CXXC4: variants seen among roughly 807,000 people sequenced by gnomAD.
CXXC4 encodes the protein CXXC finger protein 4, also known as CXXC-type zinc finger protein 4.
A neutral mutation model predicts 20.5 loss-of-function variants in CXXC4; 5 were observed. That is an observed-to-expected ratio of 0.24 (90% CI 0.13 to 0.51). The LOEUF is 0.51. CXXC4 is among the 20% of genes least tolerant of loss of function. The pLI is 0.97. For missense variants in CXXC4, 419 were observed against 496.4 expected (o/e 0.84, Z 1.48); for synonymous variants, 250 against 216.4 (o/e 1.16, Z -1.36).
chr4:104,481,361 C>T lies in CXXC4; in HGVS notation c.1060-8995G>A, dbSNP rs139849599. ...CCTGGCCAACATGGTGAAACCCCAT[C>T]TCTACTAAAGAAAATACAAAAATTA... On this transcript the variant is annotated intron_variant, in intron 2 of 2. Transcript: ENST00000394767. Among the ~76,000 whole-genome samples, 11 of 152,182 alleles carry T rather than the reference C, an allele frequency of 7.2e-5. 1 individual carries two copies. The highest frequency in any genetic ancestry group is 2.4e-4 in the African/African-American group (10 of 41,524).
At chr4:104,472,471 C>T (rs1398016206) in intron 2 of CXXC4, 105 bp from the exon 3 acceptor site, 2 of 683,026 alleles carry the variant, frequency 2.9e-6, no homozygotes, top group South Asian at 2.1e-5. Context: ...TACCAATGTA[C>T]AACATAATGA....
chr4:104,486,659 TA>T (rs1332981802), intron 2 of CXXC4, among the ~76,000 whole-genome samples: 2 of 152,240 alleles, frequency 1.3e-5, no homozygotes, highest in East Asian at 3.9e-4. Context: ...AATTATGACA[TA>T]AAAAAACTGG....
chr4:104,489,337 A>G (rs1172342980), intron 2 of CXXC4, among the ~76,000 whole-genome samples: 2 of 152,256 alleles, frequency 1.3e-5, no homozygotes, highest in African/African-American at 4.8e-5. Context: ...TTACACAATT[A>G]AAGGTTAAAA....
chr4:104,488,926 C>T (rs1474261470), intron 2 of CXXC4, among the ~76,000 whole-genome samples: 1 of 152,064 alleles, frequency 6.6e-6, no homozygotes. Context: ...AACAGCAGAA[C>T]CAAATTTATA....
chr4:104,491,219 G>C lies in CXXC4; in HGVS notation c.584C>G (p.Thr195Ser), dbSNP rs771690954. The C allele has an allele frequency of 2.5e-6, 4 of 1,613,544 alleles. No homozygotes were observed. The highest frequency in any genetic ancestry group is 1.1e-5 in the South Asian group (1 of 91,076). The change falls in exon 2 of 3, where the codon ACT becomes AGT. Residue 195 changes from threonine to serine, a missense_variant. By Grantham distance (58) the Thr-to-Ser change is moderately conservative (BLOSUM62 1). Transcript: ENST00000394767. ...AGGGGATAAGGTGGAGAGGAAATTA[G>C]TATTTGCCATTTGCAACGACGGCTC... ...PPEPSLQMANTNFLSTLSPEH... is the reference protein window; with the variant it reads ...PPEPSLQMANSNFLSTLSPEH...
In CXXC4 at chr4:104,491,331, C is replaced by T; in HGVS notation, c.472G>A (p.Gly158Ser). 3 of 1,553,448 alleles carry T rather than the reference C, an allele frequency of 1.9e-6. No homozygotes were observed. Among genetic ancestry groups the T allele is most frequent in the East Asian group, 2.5e-5 (1 of 40,420 alleles). The part of the protein sequence containing the change: ...SSSAILPAGG[G>S]GGGGGGGSRT... The stretch of plus-strand genomic sequence containing the variant: ...CTGCCGCCGCCGCCGCCGCCGCCGC[C>T]ACCGCCGGCGGGGAGGATCGCCGAG... Residue 158 changes from glycine to serine, a missense_variant, in exon 2 of 3, where the codon GGC (glycine) becomes AGC (serine). By Grantham distance (56) the Gly-to-Ser change is moderately conservative. Coordinates refer to ENST00000394767, the MANE Select transcript of CXXC4 (RefSeq NM_025212.4).
chr4:104,492,931 A>C (rs1283968059), intron 1 of CXXC4, among the ~76,000 whole-genome samples: 3 of 152,118 alleles, frequency 2.0e-5, no homozygotes, highest in Non-Finnish European at 4.4e-5. Context: ...TGCAGCCTCT[A>C]TAAGAATATT....
chr4:104,470,840 A>G lies in CXXC4; in HGVS notation c.*1482T>C, dbSNP rs1736253575. The G allele has an allele frequency of 6.6e-6, 1 of 152,062 alleles. No homozygotes were observed. The highest frequency in any genetic ancestry group is 6.6e-5 in the Admixed American group (1 of 15,216). 9.4% of individuals were successfully genotyped at this position (152,062 alleles called of 1,614,324 possible). ...ATTGGGACAAACAGAAATAAAATGGAAGGTAAATATTTGTCCTGATGGGAC... is the reference window on the plus strand; with the variant it reads ...ATTGGGACAAACAGAAATAAAATGGGAGGTAAATATTTGTCCTGATGGGAC... On this transcript the variant is annotated 3_prime_UTR_variant, in exon 3 of 3. Transcript: ENST00000394767.
In CXXC4 at chr4:104,491,734, G is replaced by T; in HGVS notation, c.69C>A (p.His23Gln). Residue 23 changes from histidine (H) to glutamine (Q), a missense_variant, in exon 2 of 3, where the codon CAC (histidine) becomes CAA (glutamine). This residue lies in a region of CXXC4 where 388 missense variants were observed against 416.0 expected (regional missense o/e 0.93). Coordinates refer to ENST00000394767, the MANE Select transcript of CXXC4 (RefSeq NM_025212.4). Reference protein sequence around the residue: ...PEAPGLPKESHLPEGALNSLV... With the variant: ...PEAPGLPKESQLPEGALNSLV... Reference sequence around the variant, plus strand: ...GGCTGTTCAGAGCCCCCTCGGGCAAGTGGCTTTCCTTGGGCAAGCCCGGGG... The same window carrying T: ...GGCTGTTCAGAGCCCCCTCGGGCAATTGGCTTTCCTTGGGCAAGCCCGGGG... The T allele has an allele frequency of 6.5e-7, 1 of 1,543,476 alleles. No homozygotes were observed. Among genetic ancestry groups the T allele is most frequent in the Non-Finnish European group, 8.7e-7 (1 of 1,143,760 alleles).
At chr4:104,479,500 G>A (rs1736500726) in intron 2 of CXXC4, among the ~76,000 whole-genome samples, 1 of 152,058 alleles carries the variant, frequency 6.6e-6, no homozygotes, top group Non-Finnish European at 1.5e-5. Flanking sequence ...CATTTTGGAT[G>A]TAGTCACTGA....
chr4:104,476,087 A>C (rs1437593734), intron 2 of CXXC4, among the ~76,000 whole-genome samples: 2 of 152,108 alleles, frequency 1.3e-5, no homozygotes. Flanking sequence ...CCTAAATTAC[A>C]TTAAAACTAA....
At chr4:104,472,500 T>A in intron 2 of CXXC4, 134 bp from the exon 3 acceptor site, 2 of 521,374 alleles carry the variant, frequency 3.8e-6, no homozygotes, top group African/African-American at 2.0e-5. Flanking sequence ...TTTCAACATT[T>A]AATAAAAAGA....
chr4:104,492,804 T>C (rs561490981), intron 1 of CXXC4, among the ~76,000 whole-genome samples: 1 of 151,920 alleles, frequency 6.6e-6, no homozygotes, highest in Admixed American at 6.6e-5. Context: ...TTGGTGGGGG[T>C]AAGAGGGTGG....
intron 2 of CXXC4, among the ~76,000 whole-genome samples, chr4:104,485,953 T>A (rs1052883748): frequency 2.0e-5 from 3 of 152,118 alleles, no homozygotes; most frequent in African/African-American, 7.2e-5. Flanking sequence ...GCCACACGAC[T>A]TTTATTTCTT....
chr4:104,493,854 T>C (rs1007093895), intron 1 of CXXC4, among the ~76,000 whole-genome samples: 1 of 152,228 alleles, frequency 6.6e-6, no homozygotes, highest in African/African-American at 2.4e-5. Context: ...TAACTGCTAC[T>C]CAGTAAAAAC....
In CXXC4 at chr4:104,468,753, T is replaced by C. The variant is rs916019018; in HGVS notation, c.*3569A>G. 4.6e-5 allele frequency: 7 copies of C among 152,008 alleles called. No individual in the cohort carries two copies. The highest frequency in any genetic ancestry group is 1.7e-4 in the African/African-American group (7 of 41,424). 9.4% of individuals were successfully genotyped at this position (152,008 alleles called of 1,614,324 possible). On this transcript the variant is annotated 3_prime_UTR_variant, in exon 3 of 3. Transcript: ENST00000394767. ...TGTTACATGAGAACCAACTGTTTGA[T>C]ATCACTGTGAATCTAACCATGATCA...
rs1287908058 is a variant in CXXC4 at position 104,490,961 on chromosome 4, G to T, written c.842C>A (p.Pro281Gln). The part of the protein sequence containing the change: ...AFQIANLADC[P>Q]QNHSSSSSSS... Reference sequence around the variant, plus strand: ...CGAGGAGGAGGAGGAATGATTCTGCGGGCAGTCTGCCAGATTGGCAATTTG... The same window carrying T: ...CGAGGAGGAGGAGGAATGATTCTGCTGGCAGTCTGCCAGATTGGCAATTTG... Residue 281 changes from proline to glutamine, a missense_variant, in exon 2 of 3, where the codon CCG (proline) becomes CAG (glutamine). This residue lies in a region of CXXC4 where 388 missense variants were observed against 416.0 expected (regional missense o/e 0.93). Transcript: ENST00000394767. 1.9e-6 allele frequency: 3 copies of T among 1,613,940 alleles called. No homozygotes were observed. Among genetic ancestry groups the T allele is most frequent in the Admixed American group, 3.3e-5 (2 of 59,994 alleles).
chr4:104,480,864 C>CCCTCCCTT (rs945580145), intron 2 of CXXC4, among the ~76,000 whole-genome samples: 1 of 147,002 alleles, frequency 6.8e-6, no homozygotes, highest in African/African-American at 2.5e-5. Flanking sequence ...CTCCCTCCCT[C>CCCTCCCTT]CCTTCCTTCC....
intron 2 of CXXC4, among the ~76,000 whole-genome samples, chr4:104,481,835 C>T (rs1736566374): frequency 6.6e-6 from 1 of 152,088 alleles, no homozygotes; most frequent in Admixed American, 6.5e-5. Flanking sequence ...CATGAATAGA[C>T]AGCAAAGGTA....
Sources: allele counts gnomAD v4.1 joint callset (sites outside exome capture counted in the v4.1 genomes callset), GRCh38; gene constraint gnomAD v4.1.1; regional missense constraint gnomAD v4.1.1; transcripts MANE v1.5; gene names NCBI Gene and HGNC (gene_info 2026-07-23, HGNC 2026-07-21).